The following CCDC171 variants were observed in gnomAD, a reference collection of about 807,000 sequenced individuals.
The protein encoded by CCDC171 is coiled-coil domain containing 171, also known as coiled-coil domain-containing protein 171.
In CCDC171, 177 loss-of-function variants were observed where a neutral mutation model predicts 168.2. The observed-to-expected ratio is 1.05, with a 90% CI of 0.93 to 1.19. The LOEUF is 1.19. Ranked by LOEUF, CCDC171 falls within the 50% of genes most tolerant of loss-of-function variation. The pLI is 0.00. For missense variants in CCDC171, 1,991 were observed against 1,539.0 expected, an observed-to-expected ratio of 1.29 and a Z score of -4.91; for synonymous variants, 687 against 540.8, an observed-to-expected ratio of 1.27 and a Z score of -3.75.
intron 3 of CCDC171, among the ~76,000 whole-genome samples, chr9:15,994,386 T>C (rs966392730): frequency 6.6e-6 from 1 of 152,072 alleles, no homozygotes; most frequent in Non-Finnish European, 1.5e-5. Flanking sequence ...AATTGAACAA[T>C]GAGAACACTT....
At chr9:15,599,354 A>AGG (rs2042646515) in intron 6 of CCDC171, among the ~76,000 whole-genome samples, 1 of 152,122 alleles carries the variant, frequency 6.6e-6, no homozygotes, top group Non-Finnish European at 1.5e-5. Context: ...GTGGTGACCA[A>AGG]ATCTCTCAGC....
intron 23 of CCDC171, among the ~76,000 whole-genome samples, chr9:15,866,655 C>A (rs1588918930): frequency 6.6e-6 from 1 of 151,790 alleles, no homozygotes; most frequent in Non-Finnish European, 1.5e-5. Context: ...AAAGTCAGGG[C>A]TAAAGATAAA....
rs147407315 is a variant in CCDC171 at position 15,622,387 on chromosome 9, A to G, written c.676-880A>G. Among the ~76,000 whole-genome samples, 250 of 152,330 alleles carry G rather than the reference A, an allele frequency of 1.6e-3. 1 individual carries two copies. Among genetic ancestry groups the G allele is most frequent in the African/African-American group, 5.7e-3 (239 of 41,582 alleles). The stretch of plus-strand genomic sequence containing the variant: ...GACTTAGGATGCTGGGTGTTTTTCA[A>G]ACTAGAATCTTTGATAGAGAATTAT... On this transcript the variant is annotated intron_variant, in intron 6 of 25. Transcript: ENST00000380701.
chr9:15,624,647 A>C (rs937733180), intron 7 of CCDC171, among the ~76,000 whole-genome samples: 22 of 152,184 alleles, frequency 1.4e-4, no homozygotes, highest in South Asian at 6.2e-4. Flanking sequence ...TAAACTCATC[A>C]TTTTTTATGG....
At chr9:15,672,155 G>C (rs577817442) in intron 9 of CCDC171, among the ~76,000 whole-genome samples, 1 of 152,306 alleles carries the variant, frequency 6.6e-6, no homozygotes, top group African/African-American at 2.4e-5. Flanking sequence ...CTTCTTTTGA[G>C]TAGTGTCTGT....
At chr9:15,772,399 T>G (rs2057061535) in intron 18 of CCDC171, among the ~76,000 whole-genome samples, 1 of 152,164 alleles carries the variant, frequency 6.6e-6, no homozygotes, top group African/African-American at 2.4e-5. Flanking sequence ...GATTTTTAGA[T>G]AAAACATTGC....
At chr9:16,081,655 T>C in the CCDC171 span, among the ~76,000 whole-genome samples, 4 of 152,138 alleles carry the variant, frequency 2.6e-5, no homozygotes, top group Non-Finnish European at 1.5e-5. Flanking sequence ...TGTGGGGTAA[T>C]ACATTTTTTT....
chr9:16,101,468 G>A, the CCDC171 span, among the ~76,000 whole-genome samples: 11 of 152,186 alleles, frequency 7.2e-5, no homozygotes, highest in South Asian at 2.1e-4. Flanking sequence ...GGTGAAACCC[G>A]TGAATGTGAT....
chr9:15,662,279 TC>T (rs1311538169), intron 8 of CCDC171, among the ~76,000 whole-genome samples: 1 of 150,238 alleles, frequency 6.7e-6, no homozygotes, highest in Non-Finnish European at 1.5e-5. Context: ...TCTGTCCCCA[TC>T]CCCCCTCCCC....
intron 3 of CCDC171, among the ~76,000 whole-genome samples, chr9:16,011,495 G>C (rs1832868414): frequency 6.6e-6 from 1 of 152,066 alleles, no homozygotes; most frequent in Admixed American, 6.5e-5. Flanking sequence ...TTTGAAAAAT[G>C]ACAGGCAAAA....
At chr9:15,970,165 A>G (rs1831205375) in intron 25 of CCDC171, among the ~76,000 whole-genome samples, 1 of 152,182 alleles carries the variant, frequency 6.6e-6, no homozygotes, top group Admixed American at 6.5e-5. Context: ...AAATTGCTGA[A>G]CTAGGTGTTA....
intron 4 of CCDC171, among the ~76,000 whole-genome samples, chr9:16,022,009 A>G (rs1833178964): frequency 6.6e-6 from 1 of 152,230 alleles, no homozygotes; most frequent in Admixed American, 6.5e-5. Flanking sequence ...GAGGGAACAT[A>G]GATGCTTCCA....
At chr9:15,666,561 G>A (rs1299660067) in intron 9 of CCDC171, among the ~76,000 whole-genome samples, 3 of 152,094 alleles carry the variant, frequency 2.0e-5, no homozygotes, top group Admixed American at 2.0e-4. Flanking sequence ...AAACTAGAAA[G>A]TAAATACATT....
intron 12 of CCDC171, among the ~76,000 whole-genome samples, chr9:15,722,962 C>T (rs1248904569): frequency 3.9e-5 from 6 of 152,070 alleles, no homozygotes; most frequent in Non-Finnish European, 8.8e-5. Context: ...TTACCCACAG[C>T]GAATTGTTAT....
At chr9:16,010,583 C>T (rs999257215) in intron 3 of CCDC171, among the ~76,000 whole-genome samples, 2 of 152,144 alleles carry the variant, frequency 1.3e-5, no homozygotes, top group Non-Finnish European at 2.9e-5. Flanking sequence ...ATGGCCCACT[C>T]AGCTCTTTTC....
intron 6 of CCDC171, among the ~76,000 whole-genome samples, chr9:15,598,774 G>A (rs999530774): frequency 4.6e-5 from 7 of 152,258 alleles, no homozygotes; most frequent in African/African-American, 1.4e-4. Flanking sequence ...TTATTATTGT[G>A]TGGGAGTCTA....
At chr9:15,807,326 C>T (rs1390565046) in intron 21 of CCDC171, among the ~76,000 whole-genome samples, 1 of 152,222 alleles carries the variant, frequency 6.6e-6, no homozygotes, top group Non-Finnish European at 1.5e-5. Context: ...TGCATTGGCT[C>T]TTGCCATGAC....
chr9:16,095,869 C>CATATATATATATATAAATAT, the CCDC171 span, among the ~76,000 whole-genome samples: 1 of 123,842 alleles, frequency 8.1e-6, no homozygotes, highest in Non-Finnish European at 1.7e-5. Flanking sequence ...CACATAGGCA[C>CATATATATATATATAAATAT]ATATATATAT....
At chr9:15,559,872 G>C (rs1412252903) in intron 1 of CCDC171, among the ~76,000 whole-genome samples, 2 of 152,210 alleles carry the variant, frequency 1.3e-5, no homozygotes, top group Admixed American at 6.5e-5. Flanking sequence ...GCTGGTACCG[G>C]TTGTTCCTTT....
Sources: gnomAD v4.1 joint callset for allele counts (sites outside exome capture counted in the v4.1 genomes callset) on GRCh38, gnomAD v4.1.1 for gene constraint, MANE v1.5 for transcripts, NCBI Gene and HGNC (gene_info 2026-07-23, HGNC 2026-07-21) for gene names.